GRM3: variants seen among roughly 807,000 people sequenced by gnomAD.
GRM3 encodes the protein glutamate metabotropic receptor 3, also known as metabotropic glutamate receptor 3.
A neutral mutation model predicts 70.5 loss-of-function variants in GRM3; 26 were observed. The observed-to-expected ratio is 0.37, with a 90% CI of 0.27 to 0.51. The LOEUF (loss-of-function observed/expected upper bound fraction) is 0.51. GRM3 is among the 20% of genes least tolerant of loss of function. The pLI is 0.93. For missense variants in GRM3, 859 were observed against 1,123.8 expected, an observed-to-expected ratio of 0.76 and a Z score of 3.37; for synonymous variants, 443 against 434.9, an observed-to-expected ratio of 1.02 and a Z score of -0.23.
At chr7:86,779,347 A>G (rs1796980959) in intron 2 of GRM3, among the ~76,000 whole-genome samples, 1 of 152,180 alleles carries the variant, frequency 6.6e-6, no homozygotes, top group Non-Finnish European at 1.5e-5. Flanking sequence ...ATTGTTTATC[A>G]GTCATATTTC....
intron 1 of GRM3, among the ~76,000 whole-genome samples, chr7:86,671,198 T>C (rs1175818314): frequency 6.6e-6 from 1 of 152,164 alleles, no homozygotes. Flanking sequence ...GCCCACCTAA[T>C]CCAAGATAAG....
At chr7:86,859,539 C>A (rs1798914878) in intron 5 of GRM3, among the ~76,000 whole-genome samples, 1 of 152,022 alleles carries the variant, frequency 6.6e-6, no homozygotes, top group South Asian at 2.1e-4. Flanking sequence ...AGTAAAATAT[C>A]TAAACAAACA....
intron 1 of GRM3, among the ~76,000 whole-genome samples, chr7:86,656,653 C>T (rs1296755423): frequency 6.6e-6 from 1 of 151,958 alleles, no homozygotes; most frequent in East Asian, 1.9e-4. Context: ...AATACGCTCA[C>T]TTGCTTAGAT....
chr7:86,700,455 G>A (rs948881614), intron 1 of GRM3, among the ~76,000 whole-genome samples: 1 of 151,722 alleles, frequency 6.6e-6, no homozygotes. Flanking sequence ...TCAAATTCTC[G>A]GAAGAAGCCT....
At chr7:86,704,057 G>A (rs1439325831) in intron 1 of GRM3, among the ~76,000 whole-genome samples, 1 of 151,894 alleles carries the variant, frequency 6.6e-6, no homozygotes, top group Non-Finnish European at 1.5e-5. Flanking sequence ...CTCAGGTGAT[G>A]ATTGAAGTTT....
intron 1 of GRM3, among the ~76,000 whole-genome samples, chr7:86,686,828 T>C (rs545928601): frequency 1.9e-4 from 29 of 152,082 alleles, no homozygotes; most frequent in African/African-American, 7.0e-4. Context: ...ATATTAAAAT[T>C]ATAAAATATA....
intron 1 of GRM3, among the ~76,000 whole-genome samples, chr7:86,739,825 G>C (rs1795946336): frequency 6.6e-6 from 1 of 152,122 alleles, no homozygotes; most frequent in Non-Finnish European, 1.5e-5. Flanking sequence ...ATTATCTAAG[G>C]CTCAAGAGTA....
intron 3 of GRM3, among the ~76,000 whole-genome samples, chr7:86,811,664 C>T (rs1473493632): frequency 6.6e-6 from 1 of 151,788 alleles, no homozygotes; most frequent in Non-Finnish European, 1.5e-5. Flanking sequence ...TGAAAGGAAT[C>T]TTAGAGATTA....
intron 1 of GRM3, among the ~76,000 whole-genome samples, chr7:86,687,140 A>G (rs1794586919): frequency 6.6e-6 from 1 of 152,018 alleles, no homozygotes; most frequent in African/African-American, 2.4e-5. Context: ...ATATACATGT[A>G]ATCAGAGCAC....
At chr7:86,727,420 G>A (rs1193299670) in intron 1 of GRM3, among the ~76,000 whole-genome samples, 3 of 152,084 alleles carry the variant, frequency 2.0e-5, no homozygotes, top group Non-Finnish European at 2.9e-5. Flanking sequence ...CTCTTTCTCA[G>A]AAAAGGGAAT....
At chr7:86,736,173 G>A (rs1448228274) in intron 1 of GRM3, among the ~76,000 whole-genome samples, 1 of 152,152 alleles carries the variant, frequency 6.6e-6, no homozygotes, top group African/African-American at 2.4e-5. Flanking sequence ...GGGGAGAAAA[G>A]CTAACGGATA....
Position 86,839,606 on chromosome 7 carries a change from G to C in GRM3, c.2092G>C (p.Val698Leu). 1 of 1,613,924 alleles carries C rather than the reference G, an allele frequency of 6.2e-7. No individual in the cohort carries two copies. Among genetic ancestry groups the C allele is most frequent in the Non-Finnish European group, 8.5e-7 (1 of 1,179,950 alleles). Residue 698 changes from valine to leucine, a missense_variant, in exon 4 of 6, where the codon GTG becomes CTG. Physicochemically the swap from Val to Leu is conservative, Grantham distance 32 (BLOSUM62 1). Coordinates refer to ENST00000361669, the MANE Select transcript of GRM3 (RefSeq NM_000840.3). This position sits in a 1 kb window ranked among gnomAD's most constrained non-coding sequence, Gnocchi z 4.5. ...TTTCATCTGCCTGGGTCTGATCCTG[G>C]TGCAAATTGTGATGGTGTCTGTGTG... The part of the protein sequence containing the change: ...QVFICLGLIL[V>L]QIVMVSVWLI...
At chr7:86,760,047 T>C (rs573739921) in intron 1 of GRM3, among the ~76,000 whole-genome samples, 1 of 152,228 alleles carries the variant, frequency 6.6e-6, no homozygotes, top group East Asian at 1.9e-4. Flanking sequence ...CCTAACTTTG[T>C]TCCAGATTGA....
chr7:86,646,944 A>T (rs1431027951), intron 1 of GRM3, among the ~76,000 whole-genome samples: 1 of 152,222 alleles, frequency 6.6e-6, no homozygotes, highest in Non-Finnish European at 1.5e-5. Context: ...TTAACCCACA[A>T]CTACACATAT....
intron 2 of GRM3, 95 bp downstream of exon 2, chr7:86,765,708 G>T: frequency 1.1e-6 from 1 of 938,574 alleles, no homozygotes; most frequent in Non-Finnish European, 1.6e-6. Context: ...CGTCATCAAC[G>T]GATTATATCA....
At chr7:86,695,919 T>A (rs1264312978) in intron 1 of GRM3, among the ~76,000 whole-genome samples, 1 of 152,180 alleles carries the variant, frequency 6.6e-6, no homozygotes, top group Admixed American at 6.6e-5. Flanking sequence ...ATAAAACTTT[T>A]CATATAAAAA....
intron 1 of GRM3, among the ~76,000 whole-genome samples, chr7:86,721,008 A>T (rs2116226819): frequency 6.6e-6 from 1 of 152,184 alleles, no homozygotes; most frequent in East Asian, 1.9e-4. Context: ...CAGGAGGCTG[A>T]TTTAGGTAGC....
chr7:86,844,382 C>T (rs1316541682), intron 4 of GRM3, among the ~76,000 whole-genome samples: 1 of 152,080 alleles, frequency 6.6e-6, no homozygotes. Flanking sequence ...AAAAGAAAAG[C>T]ATATGGCTAC....
intron 3 of GRM3, among the ~76,000 whole-genome samples, chr7:86,819,023 C>G (rs1798068364): frequency 6.6e-6 from 1 of 152,102 alleles, no homozygotes; most frequent in Non-Finnish European, 1.5e-5. Context: ...TAACTTCCAT[C>G]TCAGACATCT....
Sources: allele counts gnomAD v4.1 joint callset (sites outside exome capture counted in the v4.1 genomes callset), GRCh38; gene constraint gnomAD v4.1.1; non-coding constraint Gnocchi (gnomAD v3.1); transcripts MANE v1.5; gene names NCBI Gene and HGNC (gene_info 2026-07-23, HGNC 2026-07-21).